The following KCNJ3 variants were observed in gnomAD, a reference collection of about 807,000 sequenced individuals.
KCNJ3 encodes potassium inwardly rectifying channel subfamily J member 3.
A neutral mutation model predicts 39.2 loss-of-function variants in KCNJ3; 4 were observed. The observed-to-expected ratio is 0.10, with a 90% CI of 0.05 to 0.23. The LOEUF is 0.23. KCNJ3 is among the 10% of genes least tolerant of loss of function. The pLI is 1.00. For missense variants in KCNJ3, 276 were observed against 634.9 expected (o/e 0.43, Z 6.08); for synonymous variants, 230 against 237.4 (o/e 0.97, Z 0.29).
chr2:154,808,082 ATT>A (rs34093983), intron 2 of KCNJ3, among the ~76,000 whole-genome samples: 5 of 142,218 alleles, frequency 3.5e-5, no homozygotes, highest in Non-Finnish European at 7.7e-5. Context: ...GGGCATTTAA[ATT>A]TTTTTTTTTT....
At chr2:154,738,633 G>C (rs1424740582) in intron 2 of KCNJ3, among the ~76,000 whole-genome samples, 1 of 151,640 alleles carries the variant, frequency 6.6e-6, no homozygotes, top group Non-Finnish European at 1.5e-5. Flanking sequence ...AAATGTAACT[G>C]GAGAAAAAAA....
chr2:154,808,839 G>T (rs1201988411), intron 2 of KCNJ3, among the ~76,000 whole-genome samples: 1 of 152,140 alleles, frequency 6.6e-6, no homozygotes, highest in Non-Finnish European at 1.5e-5. Context: ...GGTGAAGGAG[G>T]TGGGGTCATG....
chr2:154,708,104 AT>A (rs893550949), intron 1 of KCNJ3, among the ~76,000 whole-genome samples: 14 of 151,746 alleles, frequency 9.2e-5, no homozygotes, highest in Non-Finnish European at 2.1e-4. Flanking sequence ...GTCAGTAATC[AT>A]TTTTTTCATA....
At chr2:154,712,373 G>A (rs1685113142) in intron 2 of KCNJ3, among the ~76,000 whole-genome samples, 1 of 152,024 alleles carries the variant, frequency 6.6e-6, no homozygotes, top group South Asian at 2.1e-4. Context: ...TGATCTTATG[G>A]GATTGTTTCA....
chr2:154,800,837 A>C (rs1427959714), intron 2 of KCNJ3, among the ~76,000 whole-genome samples: 1 of 152,244 alleles, frequency 6.6e-6, no homozygotes, highest in African/African-American at 2.4e-5. Flanking sequence ...TATTGTATAG[A>C]TTATATTTTA....
chr2:154,765,737 A>G (rs138640577), intron 2 of KCNJ3, among the ~76,000 whole-genome samples: 11 of 152,328 alleles, frequency 7.2e-5, no homozygotes, highest in Middle Eastern at 3.4e-3. Context: ...GAATATTTTA[A>G]TCTTCAAAGA....
intron 2 of KCNJ3, among the ~76,000 whole-genome samples, chr2:154,736,662 A>G (rs1685552380): frequency 6.6e-6 from 1 of 152,158 alleles, no homozygotes; most frequent in South Asian, 2.1e-4. Context: ...AAGTATATAT[A>G]TGAAAGAAAA....
intron 2 of KCNJ3, among the ~76,000 whole-genome samples, chr2:154,760,992 C>T (rs937398612): frequency 3.3e-5 from 5 of 151,046 alleles, no homozygotes; most frequent in African/African-American, 1.2e-4. Flanking sequence ...CCGCCTTGGC[C>T]TCCCAAAGTG....
intron 2 of KCNJ3, among the ~76,000 whole-genome samples, chr2:154,764,388 T>C (rs1686096966): frequency 6.6e-6 from 1 of 152,156 alleles, no homozygotes; most frequent in South Asian, 2.1e-4. Context: ...GTGTGGACTT[T>C]TGTATAGACA....
intron 2 of KCNJ3, among the ~76,000 whole-genome samples, chr2:154,818,372 G>GTTGT (rs1347274855): frequency 1.3e-5 from 2 of 152,028 alleles, no homozygotes; most frequent in Non-Finnish European, 2.9e-5. Flanking sequence ...ACACAAACTA[G>GTTGT]TTGTTTGCAT....
At chr2:154,805,128 A>G (rs1255857593) in intron 2 of KCNJ3, among the ~76,000 whole-genome samples, 1 of 152,176 alleles carries the variant, frequency 6.6e-6, no homozygotes, top group Non-Finnish European at 1.5e-5. Context: ...GTTGCAATCT[A>G]TAAGTTTGTG....
rs1342696216 is a variant in KCNJ3, at chr2:154,856,961, ATT to A, written c.*1649_*1650del. ...TCATTAATTGCTAGTTTGGGCTCTC[ATT>A]ATTTCCTGTTTTTTAACAATTTTGT... is the stretch of plus-strand genomic sequence containing the variant. On this transcript the variant is annotated 3_prime_UTR_variant, in exon 3 of 3. Coordinates refer to ENST00000295101, the MANE Select transcript of KCNJ3 (RefSeq NM_002239.4). 6.6e-6 allele frequency: 1 copy of A among 152,258 alleles called. No homozygotes were observed. The highest frequency in any genetic ancestry group is 1.9e-4 in the East Asian group (1 of 5,178). 9.4% of individuals were successfully genotyped at this position (152,258 alleles called of 1,614,324 possible). A position where few individuals can be genotyped will look rare whatever the true frequency, so the allele number is the denominator to read the frequency against.
chr2:154,849,697 G>A (rs1266862207), intron 2 of KCNJ3, among the ~76,000 whole-genome samples: 3 of 152,116 alleles, frequency 2.0e-5, no homozygotes, highest in Non-Finnish European at 4.4e-5. Flanking sequence ...AGAAACAATG[G>A]AAAATAACTG....
chr2:154,812,219 G>T (rs1287112518), intron 2 of KCNJ3, among the ~76,000 whole-genome samples: 1 of 152,086 alleles, frequency 6.6e-6, no homozygotes, highest in Non-Finnish European at 1.5e-5. Context: ...TGGATGAGAA[G>T]AGTCAATATT....
At chr2:154,828,999 G>T (rs1574477652) in intron 2 of KCNJ3, among the ~76,000 whole-genome samples, 1 of 152,174 alleles carries the variant, frequency 6.6e-6, no homozygotes, top group Middle Eastern at 3.4e-3. Flanking sequence ...ACTTAATAAT[G>T]ACTATATCTG....
chr2:154,826,557 A>G (rs1454832016), intron 2 of KCNJ3, among the ~76,000 whole-genome samples: 1 of 152,240 alleles, frequency 6.6e-6, no homozygotes, highest in East Asian at 1.9e-4. Flanking sequence ...TGTCATTAAA[A>G]TAAGCTTTGC....
chr2:154,816,475 C>T (rs986596315), intron 2 of KCNJ3, among the ~76,000 whole-genome samples: 2 of 152,034 alleles, frequency 1.3e-5, no homozygotes, highest in Admixed American at 6.6e-5. Flanking sequence ...AAATGAAATC[C>T]CAAAGCTGGA....
intron 2 of KCNJ3, among the ~76,000 whole-genome samples, chr2:154,738,291 G>T (rs1205919388): frequency 2.6e-5 from 4 of 152,104 alleles, no homozygotes; most frequent in Non-Finnish European, 4.4e-5. Context: ...GAGGTGGGGA[G>T]ATGGGGATTA....
At chr2:154,711,382 A>C (rs1225047057) in intron 2 of KCNJ3, among the ~76,000 whole-genome samples, 1 of 152,014 alleles carries the variant, frequency 6.6e-6, no homozygotes, top group Non-Finnish European at 1.5e-5. Context: ...ACATCTGCTT[A>C]TAGTTTACCA....
Sources: allele counts gnomAD v4.1 joint callset (sites outside exome capture counted in the v4.1 genomes callset), GRCh38; gene constraint gnomAD v4.1.1; transcripts MANE v1.5; gene names NCBI Gene and HGNC (gene_info 2026-07-23, HGNC 2026-07-21).